Variants in PAK1 observed in about 807,000 individuals in gnomAD.
PAK1 encodes serine/threonine-protein kinase PAK 1.
PAK1 carries 29 observed loss-of-function variants against 67.4 expected under a neutral mutation model. The observed-to-expected ratio is 0.43, with a 90% confidence interval of 0.32 to 0.59. The LOEUF is 0.59. Ranked by LOEUF, PAK1 falls within the 20% of genes least tolerant of loss-of-function variation. The pLI, the probability that PAK1 is intolerant of heterozygous loss-of-function variation, is 0.07. For synonymous variants in PAK1, 223 were observed against 237.4 expected (o/e 0.94, Z 0.56); for missense variants, 337 against 670.7 (o/e 0.50, Z 5.50).
At chr11:77,391,531 T>C (rs1951139135) in intron 2 of PAK1, among the ~76,000 whole-genome samples, 1 of 152,178 alleles carries the variant, frequency 6.6e-6, no homozygotes, top group Non-Finnish European at 1.5e-5. Flanking sequence ...ATCTTTAGCA[T>C]GCCATAAGAA....
chr11:77,379,550 T>C (rs756782352), intron 3 of PAK1, 162 bp from the exon 4 acceptor site: 20 of 634,592 alleles, frequency 3.2e-5, no homozygotes, highest in Middle Eastern at 4.3e-4. Context: ...TTTTATAATA[T>C]CTTTCTCATT....
At chr11:77,369,737 G>A (rs956677677) in intron 5 of PAK1, among the ~76,000 whole-genome samples, 1 of 151,940 alleles carries the variant, frequency 6.6e-6, no homozygotes, top group South Asian at 2.1e-4. Context: ...TGTGAGCACC[G>A]CACCCAGCCA....
the PAK1 span, among the ~76,000 whole-genome samples, chr11:77,499,135 TAA>T: frequency 2.8e-5 from 4 of 141,184 alleles, no homozygotes; most frequent in Non-Finnish European, 1.6e-5. Flanking sequence ...CACTCACTAC[TAA>T]AAAAAAAAAA....
intron 13 of PAK1, among the ~76,000 whole-genome samples, chr11:77,333,533 A>G (rs1053484587): frequency 3.3e-5 from 5 of 152,094 alleles, no homozygotes; most frequent in Non-Finnish European, 7.4e-5. Flanking sequence ...TGAAGGGTTT[A>G]TTATCCATTT....
chr11:77,445,500 T>C (rs1291553977), intron 1 of PAK1, among the ~76,000 whole-genome samples: 1 of 152,234 alleles, frequency 6.6e-6, no homozygotes, highest in Non-Finnish European at 1.5e-5. Context: ...CACTATTTTA[T>C]ACTTCTTTGG....
rs751895081 is a variant in PAK1 at position 77,337,466 on chromosome 11, A to G, written c.1117-43T>C. ...GCAGGGGGAGAAAGAAAGGACATAC[A>G]TATAATACAGAAGACTTAATAGAAA... On this transcript the variant is annotated intron_variant, in intron 11 of 14. Transcript: ENST00000356341. 2.2e-5 allele frequency: 22 copies of G among 995,222 alleles called. No homozygotes were observed. In the Admixed American group the frequency reaches 4.5e-4, roughly 20 times the overall value. The allele number at this position is 995,222 out of a possible 1,614,324, so 61.6% of individuals were successfully genotyped here.
upstream of PAK1, chr11:77,476,000 A>G (rs1269274501): frequency 1.3e-5 from 2 of 152,358 alleles, no homozygotes; most frequent in East Asian, 1.9e-4. Flanking sequence ...GCGAAACCCC[A>G]TCTCTACTAA....
chr11:77,405,040 T>C (rs1953279409), intron 1 of PAK1, among the ~76,000 whole-genome samples: 1 of 152,180 alleles, frequency 6.6e-6, no homozygotes, highest in African/African-American at 2.4e-5. Context: ...GACAGGCTTC[T>C]CTGAGAAACA....
At chr11:77,329,380 C>G (rs1940883516) in intron 14 of PAK1, 1 of 152,238 alleles carries the variant, frequency 6.6e-6, no homozygotes, top group Admixed American at 6.5e-5. Context: ...TGCAAAAATC[C>G]TCAGTAAAAT....
At chr11:77,435,023 C>T (rs544940651) in intron 1 of PAK1, among the ~76,000 whole-genome samples, 6 of 150,676 alleles carry the variant, frequency 4.0e-5, no homozygotes, top group East Asian at 1.9e-4. Context: ...TTCAGCTTCC[C>T]GAAGTGCTGG....
chr11:77,493,275 G>GTTGTT, the PAK1 span, among the ~76,000 whole-genome samples: 5 of 128,030 alleles, frequency 3.9e-5, no homozygotes, highest in African/African-American at 1.2e-4. Flanking sequence ...TTTTTTTGTT[G>GTTGTT]TTTTTTTTTT....
intron 4 of PAK1, among the ~76,000 whole-genome samples, chr11:77,376,443 TA>T (rs948257023): frequency 1.3e-5 from 2 of 152,108 alleles, no homozygotes; most frequent in Non-Finnish European, 2.9e-5. Flanking sequence ...CTAACAGGTA[TA>T]AAAAATTAAG....
intron 2 of PAK1, among the ~76,000 whole-genome samples, chr11:77,389,108 C>T (rs1302294198): frequency 1.3e-5 from 2 of 152,142 alleles, no homozygotes; most frequent in African/African-American, 4.8e-5. Flanking sequence ...CTCTGCAGCC[C>T]AAGGCAACCG....
At position 77,473,919 on chromosome 11, in the gene PAK1, G is replaced by A. The variant is rs984362596; in HGVS notation, c.-389C>T. On this transcript the variant is annotated 5_prime_UTR_variant, in exon 1 of 15. Transcript: ENST00000356341. ...GAAAAGGGAATGAGAGTCCAAGGGG[G>A]AAGGCGTCTGTGGGGGAGGACTGCA... is the stretch of plus-strand genomic sequence containing the variant. 1.3e-5 allele frequency: 2 copies of A among 151,948 alleles called. No homozygotes were observed. The highest frequency in any genetic ancestry group is 4.9e-5 in the African/African-American group (2 of 41,228). 9.4% of individuals were successfully genotyped at this position (151,948 alleles called of 1,614,324 possible). A position where few individuals can be genotyped will look rare whatever the true frequency, so the allele number is the denominator to read the frequency against.
At chr11:77,355,118 T>C (rs543095333) in intron 7 of PAK1, among the ~76,000 whole-genome samples, 8 of 152,310 alleles carry the variant, frequency 5.3e-5, no homozygotes, top group Admixed American at 2.0e-4. Flanking sequence ...GATATCTTCA[T>C]TGCAAAAATT....
chr11:77,429,440 TGAA>T (rs1246235159), intron 1 of PAK1, among the ~76,000 whole-genome samples: 1 of 152,148 alleles, frequency 6.6e-6, no homozygotes, highest in African/African-American at 2.4e-5. Flanking sequence ...AACTTCACAG[TGAA>T]GAAGGCTGGT....
chr11:77,377,466 A>C (rs17135598), intron 4 of PAK1, among the ~76,000 whole-genome samples: 4,912 of 152,302 alleles, frequency 0.032, 132 homozygotes, highest in African/African-American at 0.075. Context: ...ACAAATTTAT[A>C]CATACAAAAG....
intron 5 of PAK1, among the ~76,000 whole-genome samples, chr11:77,361,132 T>A (rs562332324): frequency 1.4e-4 from 21 of 152,162 alleles, no homozygotes; most frequent in African/African-American, 4.6e-4. Flanking sequence ...TAGAAGAGAA[T>A]AGAGTAAAAA....
intron 1 of PAK1, among the ~76,000 whole-genome samples, chr11:77,466,875 T>G (rs1394393197): frequency 6.6e-6 from 1 of 152,348 alleles, no homozygotes; most frequent in East Asian, 1.9e-4. Flanking sequence ...TTAACCTCTT[T>G]GTGTTTTCTT....
Sources: allele counts gnomAD v4.1 joint callset (sites outside exome capture counted in the v4.1 genomes callset), GRCh38; gene constraint gnomAD v4.1.1; transcripts MANE v1.5; gene names NCBI Gene and HGNC (gene_info 2026-07-23, HGNC 2026-07-21).